The following SERGEF variants were observed in gnomAD, a reference collection of about 807,000 sequenced individuals.
SERGEF encodes secretion-regulating guanine nucleotide exchange factor.
Under a neutral mutation model 50.0 loss-of-function variants are expected in SERGEF, and 51 were observed. The ratio of observed to expected loss-of-function variants is 1.02; its 90% CI spans 0.81 to 1.29. SERGEF has a LOEUF of 1.29. Among genes scored for constraint, SERGEF ranks in the 50% most tolerant of loss-of-function variants. The pLI, the probability that SERGEF is intolerant of heterozygous loss-of-function variation, is 0.00. For synonymous variants in SERGEF, 205 were observed against 212.4 expected (o/e 0.97, Z 0.30); for missense variants, 521 against 557.0 (o/e 0.94, Z 0.65).
At chr11:17,902,063 A>G (rs1283485501) in intron 9 of SERGEF, among the ~76,000 whole-genome samples, 2 of 152,220 alleles carry the variant, frequency 1.3e-5, no homozygotes, top group Non-Finnish European at 1.5e-5. Flanking sequence ...ATAGCAGGGT[A>G]CTTTGTTGGA....
chr11:17,788,270 C>A lies in SERGEF; in HGVS notation c.1192G>T (p.Ala398Ser), dbSNP rs115399445. 634 of 1,614,136 alleles carry A rather than the reference C, an allele frequency of 3.9e-4. 1 individual carries two copies. The African/African-American group carries it at 7.5e-3, about 19-fold the overall frequency. The change falls in exon 11 of 11, where the codon GCC (alanine) becomes TCC (serine). Residue 398 changes from alanine (A) to serine (S), a missense_variant. Ala to Ser is a moderately conservative substitution (Grantham distance 99, BLOSUM62 1). Coordinates refer to ENST00000265965, the MANE Select transcript of SERGEF (RefSeq NM_012139.4). Reference sequence around the variant, plus strand: ...GGGTGAGCTGGCAGCTGGCAGAGGGCCAAGGAGTGGCCAGCCCCACAGCCC... The same window carrying A: ...GGGTGAGCTGGCAGCTGGCAGAGGGACAAGGAGTGGCCAGCCCCACAGCCC... ...LVGCGAGHSL[A>S]LCQLPAHPAL...
rs556922528 is a variant in SERGEF, at chr11:17,868,292, C to A, written c.1048+9916G>T. Among the ~76,000 whole-genome samples, 3 of 152,308 alleles carry A rather than the reference C, an allele frequency of 2.0e-5. No homozygotes were observed. In the South Asian group the frequency reaches 6.2e-4, roughly 32 times the overall value. ...TTCCACCACATACCCTAAATCATTTCTCTCAAGTTCAAAGTTCCACAAATC... is the reference window on the plus strand; with the variant it reads ...TTCCACCACATACCCTAAATCATTTATCTCAAGTTCAAAGTTCCACAAATC... On this transcript the variant is annotated intron_variant, in intron 10 of 10. Coordinates refer to ENST00000265965, the MANE Select transcript of SERGEF (RefSeq NM_012139.4).
chr11:18,003,630 G>A (rs1420140409), intron 4 of SERGEF, among the ~76,000 whole-genome samples: 2 of 152,206 alleles, frequency 1.3e-5, no homozygotes, highest in East Asian at 3.8e-4. Flanking sequence ...TTGAACCTGG[G>A]AGGCGGAGGT....
rs764995584 is a variant in SERGEF at position 17,988,695 on chromosome 11, G to A, written c.746C>T (p.Ala249Val). ...TATTTTCTGGGGCACAGGAAGGAAAGCAGCCTCATTAGCCAGTTGCCCATG... is the reference window on the plus strand; with the variant it reads ...TATTTTCTGGGGCACAGGAAGGAAAACAGCCTCATTAGCCAGTTGCCCATG... ...NKHGQLANEA[A>V]FLPVPQKIEA... Residue 249 changes from alanine to valine, a missense_variant, in exon 8 of 11, where the codon GCT (alanine) becomes GTT (valine). Transcript: ENST00000265965. The A allele has an allele frequency of 6.2e-7, 1 of 1,614,126 alleles. No individual in the cohort carries two copies. The highest frequency in any genetic ancestry group is 8.5e-7 in the Non-Finnish European group (1 of 1,179,998).
intron 10 of SERGEF, among the ~76,000 whole-genome samples, chr11:17,789,734 G>A (rs1849448951): frequency 6.6e-6 from 1 of 152,198 alleles, no homozygotes; most frequent in South Asian, 2.1e-4. Flanking sequence ...CCTTTAATTT[G>A]TGAAATTTAT....
intron 10 of SERGEF, among the ~76,000 whole-genome samples, chr11:17,853,231 G>A (rs923537683): frequency 5.3e-5 from 8 of 151,964 alleles, no homozygotes; most frequent in Admixed American, 2.0e-4. Flanking sequence ...AGTGCTTGGC[G>A]CCAAGGCAAA....
At chr11:17,979,995 G>A (rs186109109) in intron 8 of SERGEF, among the ~76,000 whole-genome samples, 33 of 152,240 alleles carry the variant, frequency 2.2e-4, no homozygotes, top group African/African-American at 7.7e-4. Context: ...CAGAGACCCT[G>A]TCACTCAACT....
chr11:17,953,477 C>A (rs866497824), intron 9 of SERGEF, among the ~76,000 whole-genome samples: 7 of 152,210 alleles, frequency 4.6e-5, no homozygotes, highest in Non-Finnish European at 2.9e-5. Flanking sequence ...AGGCTCACAG[C>A]CTATCTGTGC....
intron 9 of SERGEF, among the ~76,000 whole-genome samples, chr11:17,940,320 G>T (rs1023414523): frequency 5.3e-5 from 8 of 152,180 alleles, no homozygotes; most frequent in Admixed American, 4.6e-4. Flanking sequence ...GACGGTGCAT[G>T]GTGAGTCAAG....
intron 10 of SERGEF, among the ~76,000 whole-genome samples, chr11:17,818,719 A>G (rs1850023185): frequency 6.6e-6 from 1 of 152,110 alleles, no homozygotes; most frequent in South Asian, 2.1e-4. Context: ...GTCAAACACT[A>G]TTACTCCTCT....
chr11:17,905,922 T>C (rs1397835030), intron 9 of SERGEF, among the ~76,000 whole-genome samples: 1 of 152,174 alleles, frequency 6.6e-6, no homozygotes, highest in Non-Finnish European at 1.5e-5. Context: ...CAACCCCAGA[T>C]TGCTGAGGAG....
intron 9 of SERGEF, among the ~76,000 whole-genome samples, chr11:17,922,453 C>T (rs1352816137): frequency 6.6e-6 from 1 of 152,146 alleles, no homozygotes; most frequent in Non-Finnish European, 1.5e-5. Context: ...GTAAAAAGAA[C>T]CTGACCCTTT....
intron 6 of SERGEF, among the ~76,000 whole-genome samples, chr11:17,995,249 C>T (rs1016663037): frequency 3.3e-5 from 5 of 152,194 alleles, no homozygotes; most frequent in Non-Finnish European, 7.3e-5. Flanking sequence ...TGGGAACACT[C>T]CTGGCCCCTC....
chr11:17,964,865 G>A (rs1853084281), intron 8 of SERGEF, among the ~76,000 whole-genome samples: 1 of 152,196 alleles, frequency 6.6e-6, no homozygotes, highest in African/African-American at 2.4e-5. Flanking sequence ...TTATAAAAAG[G>A]ACATTTGATG....
At chr11:17,887,884 A>AC (rs1369486469) in intron 9 of SERGEF, among the ~76,000 whole-genome samples, 1 of 152,208 alleles carries the variant, frequency 6.6e-6, no homozygotes, top group Admixed American at 6.5e-5. Context: ...GTAAAATTCC[A>AC]CGGCCTGTTA....
At chr11:17,843,174 G>C (rs1280760067) in intron 10 of SERGEF, among the ~76,000 whole-genome samples, 1 of 152,178 alleles carries the variant, frequency 6.6e-6, no homozygotes, top group Non-Finnish European at 1.5e-5. Flanking sequence ...CCACCAAGAT[G>C]CCTGGGCCTC....
chr11:17,907,641 C>T (rs1047678614), intron 9 of SERGEF, among the ~76,000 whole-genome samples: 1 of 152,166 alleles, frequency 6.6e-6, no homozygotes, highest in African/African-American at 2.4e-5. Flanking sequence ...ATAGAACTAT[C>T]CAGGCAGAGG....
intron 10 of SERGEF, chr11:17,853,987 C>G (rs1850764586): frequency 6.9e-6 from 1 of 145,622 alleles, no homozygotes; most frequent in Non-Finnish European, 1.5e-5. Flanking sequence ...CACCACTGCA[C>G]TCCAGCCTGG....
intron 3 of SERGEF, 112 bp downstream of exon 3, chr11:18,006,479 T>C (rs961850279): frequency 8.3e-6 from 9 of 1,087,384 alleles, no homozygotes; most frequent in African/African-American, 1.6e-5. Flanking sequence ...CCAGGCCTTA[T>C]GTGTGCTTTT....
Sources: gnomAD v4.1 joint callset for allele counts (sites outside exome capture counted in the v4.1 genomes callset) on GRCh38, gnomAD v4.1.1 for gene constraint, MANE v1.5 for transcripts, NCBI Gene and HGNC (gene_info 2026-07-23, HGNC 2026-07-21) for gene names.